The following BDKRB2 variants were observed in gnomAD, a reference collection of about 807,000 sequenced individuals.
BDKRB2 encodes the protein B2 bradykinin receptor.
In BDKRB2, 6 loss-of-function variants were observed where a neutral mutation model predicts 4.0. The observed-to-expected ratio is 1.49, with a 90% CI of 0.81 to 2.93. The LOEUF is 2.93. BDKRB2 is among the 30% of genes most tolerant of loss of function. The pLI, the probability that BDKRB2 is intolerant of heterozygous loss-of-function variation, is 0.00. For missense variants in BDKRB2, 478 were observed against 520.1 expected, an observed-to-expected ratio of 0.92 and a Z score of 0.79; for synonymous variants, 225 against 215.3, an observed-to-expected ratio of 1.05 and a Z score of -0.40.
chr14:96,220,393 C>T (rs1256611904), intron 1 of BDKRB2, among the ~76,000 whole-genome samples: 1 of 152,132 alleles, frequency 6.6e-6, no homozygotes, highest in African/African-American at 2.4e-5. Flanking sequence ...CGAGCTTATC[C>T]ACACCATGAC....
At chr14:96,207,526 G>T (rs1000682157) in intron 1 of BDKRB2, among the ~76,000 whole-genome samples, 1 of 152,164 alleles carries the variant, frequency 6.6e-6, no homozygotes, top group Non-Finnish European at 1.5e-5. Context: ...CACTGTAATG[G>T]TAGAGGCATG....
intron 2 of BDKRB2, chr14:96,237,581 A>G: frequency 8.5e-7 from 1 of 1,175,194 alleles, no homozygotes; most frequent in Non-Finnish European, 1.1e-6. Flanking sequence ...AACACCCTAA[A>G]GAGAGAATTT....
At chr14:96,222,318 G>A (rs1890591792) in intron 1 of BDKRB2, among the ~76,000 whole-genome samples, 1 of 151,970 alleles carries the variant, frequency 6.6e-6, no homozygotes, top group Non-Finnish European at 1.5e-5. Flanking sequence ...TGTCTTTTAG[G>A]GATTTTGATG....
intron 1 of BDKRB2, among the ~76,000 whole-genome samples, chr14:96,231,469 T>C (rs146455505): frequency 1.0e-3 from 155 of 152,226 alleles, no homozygotes; most frequent in African/African-American, 3.2e-3. Context: ...TTGAGGCTCA[T>C]ATGGTTTATG....
rs61742190 is a variant in BDKRB2 at position 96,216,333 on chromosome 14, C to T, written c.-40+11374C>T. On this transcript the variant is annotated intron_variant, in intron 1 of 2. Transcript: ENST00000554311. Reference sequence around the variant, plus strand: ...AACAGAACTCTTCTGTACCTCCCACCTCCCCGCAAGAAGTAGGCCAGGCAT... The same window carrying T: ...AACAGAACTCTTCTGTACCTCCCACTTCCCCGCAAGAAGTAGGCCAGGCAT... Among the ~76,000 whole-genome samples the T allele has an allele frequency of 3.8e-3, 575 of 152,134 alleles. 4 individuals carry two copies. Among genetic ancestry groups the T allele is most frequent in the Middle Eastern group, 0.014 (4 of 294 alleles).
At chr14:96,235,792 C>T (rs1890918332) in intron 1 of BDKRB2, among the ~76,000 whole-genome samples, 1 of 150,504 alleles carries the variant, frequency 6.6e-6, no homozygotes, top group Non-Finnish European at 1.5e-5. Flanking sequence ...CATGCACACA[C>T]ACACACCCAC....
At chr14:96,212,624 T>C (rs553596819) in intron 1 of BDKRB2, among the ~76,000 whole-genome samples, 10 of 152,290 alleles carry the variant, frequency 6.6e-5, no homozygotes, top group African/African-American at 1.9e-4. Context: ...CAGAGATCAG[T>C]GGGTGGCGGC....
intron 1 of BDKRB2, among the ~76,000 whole-genome samples, chr14:96,212,737 T>C (rs1890330024): frequency 1.3e-5 from 2 of 152,196 alleles, no homozygotes; most frequent in African/African-American, 4.8e-5. Context: ...GGTAGGAGTT[T>C]CCATCAGCAC....
At chr14:96,205,256 A>G (rs1413809343) in intron 1 of BDKRB2, among the ~76,000 whole-genome samples, 1 of 152,124 alleles carries the variant, frequency 6.6e-6, no homozygotes, top group Non-Finnish European at 1.5e-5. Context: ...GGATTTTCAC[A>G]TACTTTGAGT....
At chr14:96,220,947 G>T (rs1300113709) in intron 1 of BDKRB2, among the ~76,000 whole-genome samples, 1 of 151,956 alleles carries the variant, frequency 6.6e-6, no homozygotes, top group Non-Finnish European at 1.5e-5. Context: ...CCCACCACCT[G>T]GGAGACCCCT....
chr14:96,216,075 G>T (rs780729735), intron 1 of BDKRB2, among the ~76,000 whole-genome samples: 4 of 152,170 alleles, frequency 2.6e-5, no homozygotes, highest in Non-Finnish European at 4.4e-5. Context: ...TTTTGTTTCT[G>T]GCTCCAAAAA....
At chr14:96,218,497 G>A (rs1890479055) in intron 1 of BDKRB2, among the ~76,000 whole-genome samples, 1 of 152,066 alleles carries the variant, frequency 6.6e-6, no homozygotes, top group South Asian at 2.1e-4. Context: ...CAATGCTACT[G>A]GCCCCACCCA....
Position 96,240,633 on chromosome 14 carries a change from C to G in BDKRB2, c.305C>G (p.Ala102Gly). Residue 102 changes from alanine (A) to glycine (G), a missense_variant, in exon 3 of 3, where the codon GCA (alanine) becomes GGA (glycine). Physicochemically the swap from Ala to Gly is moderately conservative, Grantham distance 60. Coordinates refer to ENST00000554311, the MANE Select transcript of BDKRB2 (RefSeq NM_001379692.1). Reference protein sequence around the residue: ...AEIYLGNLAAADLILACGLPF... With the variant: ...AEIYLGNLAAGDLILACGLPF... ...ATCTACCTGGGGAACCTGGCCGCAGCAGACCTGATCCTGGCCTGCGGGCTG... is the reference window on the plus strand; with the variant it reads ...ATCTACCTGGGGAACCTGGCCGCAGGAGACCTGATCCTGGCCTGCGGGCTG... The G allele has an allele frequency of 1.3e-6, 2 of 1,557,732 alleles. No individual in the cohort carries two copies. The highest frequency in any genetic ancestry group is 1.7e-6 in the Non-Finnish European group (2 of 1,154,730).
chr14:96,239,155 T>A (rs923396053), intron 2 of BDKRB2: 1 of 985,364 alleles, frequency 1.0e-6, no homozygotes, highest in African/African-American at 1.7e-5. Context: ...TTTCCTTCTC[T>A]CACCCACAGC....
intron 1 of BDKRB2, among the ~76,000 whole-genome samples, chr14:96,231,086 G>C (rs2031067032): frequency 6.6e-6 from 1 of 152,146 alleles, no homozygotes; most frequent in Admixed American, 6.5e-5. Flanking sequence ...ACAGTGAACA[G>C]GAAAAAAAGC....
At chr14:96,222,332 G>A (rs4905469) in intron 1 of BDKRB2, among the ~76,000 whole-genome samples, 81,529 of 151,676 alleles carry the variant, frequency 0.54, 22,250 homozygotes, top group Non-Finnish European at 0.59. Flanking sequence ...TTTGATGGAG[G>A]CTTCATCATA....
chr14:96,240,298 C>G, intron 2 of BDKRB2, 105 bp from the exon 3 acceptor site: 2 of 1,351,190 alleles, frequency 1.5e-6, no homozygotes, highest in Non-Finnish European at 1.9e-6. Context: ...CTCGGCTTCT[C>G]CTTGCCCTGG....
chr14:96,215,870 C>T (rs1336420775), intron 1 of BDKRB2, among the ~76,000 whole-genome samples: 1 of 152,210 alleles, frequency 6.6e-6, no homozygotes, highest in African/African-American at 2.4e-5. Flanking sequence ...TCTATCCCAT[C>T]TTACAGATAA....
intron 1 of BDKRB2, among the ~76,000 whole-genome samples, chr14:96,227,714 C>T (rs1278887005): frequency 6.6e-6 from 1 of 152,200 alleles, no homozygotes; most frequent in Non-Finnish European, 1.5e-5. Context: ...CACACAAATG[C>T]ACACACATGC....
Sources: allele counts gnomAD v4.1 joint callset (sites outside exome capture counted in the v4.1 genomes callset), GRCh38; gene constraint gnomAD v4.1.1; transcripts MANE v1.5; gene names NCBI Gene and HGNC (gene_info 2026-07-23, HGNC 2026-07-21).